VPS35L: variants seen among roughly 807,000 people sequenced by gnomAD.
The protein encoded by VPS35L is VPS35 endosomal protein sorting factor like.
A neutral mutation model predicts 133.0 loss-of-function variants in VPS35L; 83 were observed. That is an observed-to-expected ratio of 0.62 (90% CI 0.52 to 0.75). VPS35L has a LOEUF of 0.75. Among genes scored for constraint, VPS35L ranks in the 30% least tolerant of loss-of-function variants. The pLI, the probability that VPS35L is intolerant of heterozygous loss-of-function variation, is 0.00. For missense variants in VPS35L, 1,083 were observed against 1,206.8 expected, an observed-to-expected ratio of 0.90 and a Z score of 1.52; for synonymous variants, 423 against 449.9, an observed-to-expected ratio of 0.94 and a Z score of 0.76.
At chr16:19,688,366 G>A (rs750615367) in intron 28 of VPS35L, among the ~76,000 whole-genome samples, 20 of 152,232 alleles carry the variant, frequency 1.3e-4, no homozygotes, top group Admixed American at 3.9e-4. Context: ...TCTTTCAATG[G>A]GGCGAGAAAA....
At chr16:19,691,113 G>A (rs1290494036) in intron 28 of VPS35L, among the ~76,000 whole-genome samples, 2 of 152,198 alleles carry the variant, frequency 1.3e-5, no homozygotes, top group Non-Finnish European at 2.9e-5. Flanking sequence ...TCCCCGCCAC[G>A]CACACATGGG....
At chr16:19,624,626 T>C (rs562016616) in intron 14 of VPS35L, among the ~76,000 whole-genome samples, 3 of 151,936 alleles carry the variant, frequency 2.0e-5, no homozygotes, top group East Asian at 3.9e-4. Context: ...AAAATACTTA[T>C]GTAGAGATGG....
intron 1 of VPS35L, among the ~76,000 whole-genome samples, chr16:19,562,226 C>A (rs1288341498): frequency 6.6e-6 from 1 of 151,998 alleles, no homozygotes; most frequent in Non-Finnish European, 1.5e-5. Flanking sequence ...CCTAATGCAA[C>A]AAGGAATAGT....
rs1973532340 is a variant in VPS35L at position 19,633,741 on chromosome 16, TTTTTG to T, written c.1635+580_1635+584del. On this transcript the variant is annotated intron_variant, in intron 19 of 30. Transcript: ENST00000417362. The surrounding 1 kb of genome is among the most constrained non-coding windows in gnomAD (Gnocchi z 4.1). ...TAACATTTGTTTTTTTTTGTTTTTG[TTTTTG>T]TTTTGTTTTGAGACGGAGTCTTGCT... Among the ~76,000 whole-genome samples the T allele has an allele frequency of 6.6e-6, 1 of 152,120 alleles. No homozygotes were observed. Among genetic ancestry groups the T allele is most frequent in the Non-Finnish European group, 1.5e-5 (1 of 68,028 alleles).
intron 28 of VPS35L, among the ~76,000 whole-genome samples, chr16:19,684,304 C>T (rs141216155): frequency 1.8e-4 from 27 of 152,216 alleles, no homozygotes; most frequent in African/African-American, 6.3e-4. Flanking sequence ...TTTTGGATTC[C>T]AAAAATTGGT....
rs796367787 is a variant in VPS35L, at chr16:19,666,916, CT to C, written c.2222-2241del. On this transcript the variant is annotated intron_variant, in intron 26 of 30. Transcript: ENST00000417362. ...TCTTTCTTTCTTTCTTTCTTTCTTT[CT>C]TTCTTTCTTTCTTTCTTCCTTTCTT... is the stretch of plus-strand genomic sequence containing the variant. 2.7e-3 allele frequency among the ~76,000 whole-genome samples: 279 copies of C among 105,074 alleles called. 1 individual carries two copies. Among genetic ancestry groups the C allele is most frequent in the East Asian group, 0.014 (52 of 3,626 alleles). 68.9% of individuals were successfully genotyped at this position (105,074 alleles called of 152,430 possible).
intron 26 of VPS35L, among the ~76,000 whole-genome samples, chr16:19,663,424 C>T (rs1256778710): frequency 6.6e-6 from 1 of 152,112 alleles, no homozygotes; most frequent in East Asian, 1.9e-4. Context: ...CTTGCCTGAC[C>T]TTTCTATGCA....
rs1976100072 is a variant in VPS35L, at chr16:19,700,663, G to A, written c.*187G>A. On this transcript the variant is annotated 3_prime_UTR_variant, in exon 31 of 31. Coordinates refer to ENST00000417362, the MANE Select transcript of VPS35L (RefSeq NM_020314.7). ...CAATGAAGAAATGGGAGTTGTCAGA[G>A]CATTAAAATGCAATCTTCACTAAGA... 2 of 569,962 alleles carry A rather than the reference G, an allele frequency of 3.5e-6. No individual in the cohort carries two copies. The highest frequency in any genetic ancestry group is 4.7e-4 in the Middle Eastern group (1 of 2,120). The allele number at this position is 569,962 out of a possible 1,614,324, so 35.3% of individuals were successfully genotyped here.
At chr16:19,584,827 G>A (rs226852) in intron 7 of VPS35L, among the ~76,000 whole-genome samples, 9,867 of 151,940 alleles carry the variant, frequency 0.065, 736 homozygotes, top group African/African-American at 0.18. Flanking sequence ...AAGTAGCTGG[G>A]ACTATAGGCA....
intron 8 of VPS35L, among the ~76,000 whole-genome samples, chr16:19,601,291 G>T (rs893316405): frequency 2.0e-5 from 3 of 152,152 alleles, no homozygotes; most frequent in Non-Finnish European, 4.4e-5. Flanking sequence ...GTGGGCTGTT[G>T]TGTGTTGTGG....
At chr16:19,618,757 C>G (rs973428251) in intron 14 of VPS35L, among the ~76,000 whole-genome samples, 1 of 152,072 alleles carries the variant, frequency 6.6e-6, no homozygotes, top group Non-Finnish European at 1.5e-5. Context: ...TTGCAAGAAT[C>G]AAAGAAGTCA....
At chr16:19,658,816 TGAG>T (rs1299441199) in intron 26 of VPS35L, among the ~76,000 whole-genome samples, 5 of 152,066 alleles carry the variant, frequency 3.3e-5, no homozygotes, top group Admixed American at 6.6e-5. Flanking sequence ...CTGGAAGGAA[TGAG>T]GAGGAGATCA....
intron 26 of VPS35L, among the ~76,000 whole-genome samples, chr16:19,654,560 G>A (rs1215225522): frequency 2.7e-5 from 4 of 146,778 alleles, no homozygotes; most frequent in African/African-American, 5.1e-5. Flanking sequence ...AAAAAAAAAA[G>A]AAAGAAACAA....
At chr16:19,683,312 A>G (rs1975351663) in intron 28 of VPS35L, among the ~76,000 whole-genome samples, 1 of 152,238 alleles carries the variant, frequency 6.6e-6, no homozygotes, top group African/African-American at 2.4e-5. Context: ...AAAAATAATT[A>G]TAATAATTTC....
intron 1 of VPS35L, among the ~76,000 whole-genome samples, chr16:19,559,072 T>G (rs1214739268): frequency 4.6e-5 from 7 of 152,192 alleles, no homozygotes; most frequent in Admixed American, 4.6e-4. Context: ...AACCAAAAAC[T>G]TATTTGAGAA....
intron 28 of VPS35L, among the ~76,000 whole-genome samples, chr16:19,687,599 G>T (rs976119600): frequency 1.3e-5 from 2 of 152,098 alleles, no homozygotes; most frequent in East Asian, 1.9e-4. Flanking sequence ...CCCCATAAAC[G>T]AGCAGTTTAA....
At position 19,669,215 on chromosome 16, in the gene VPS35L, T is replaced by G; in HGVS notation, c.2277T>G (p.Ile759Met). Residue 759 changes from isoleucine to methionine, a missense_variant, in exon 27 of 31, where the codon ATT (isoleucine) becomes ATG (methionine). Coordinates refer to ENST00000417362, the MANE Select transcript of VPS35L (RefSeq NM_020314.7). ...TTGTTCCGGAAGTTCCAAAGATGAT[T>G]AATATTGATGGGAAGATGCGGCCAT... ...ISLVPEVPKM[I>M]NIDGKMRPSE... The G allele has an allele frequency of 6.2e-7, 1 of 1,613,208 alleles. No individual in the cohort carries two copies. The highest frequency in any genetic ancestry group is 8.5e-7 in the Non-Finnish European group (1 of 1,179,326).
chr16:19,642,591 A>G (rs1973820598), intron 22 of VPS35L, 115 bp downstream of exon 22: 2 of 859,506 alleles, frequency 2.3e-6, no homozygotes, highest in Non-Finnish European at 3.4e-6. Flanking sequence ...CTTTATTGGG[A>G]GTATTAAGAT....
chr16:19,670,314 G>T lies in VPS35L; in HGVS notation c.2361+1015G>T, dbSNP rs1033989209. ...CCACTGCACTCTCTATACTGCCAAG[G>T]CAGAGGTGTCGCCCAGTGGGGAAGG... On this transcript the variant is annotated intron_variant, in intron 27 of 30. Transcript: ENST00000417362. Among the ~76,000 whole-genome samples, 3 of 152,216 alleles carry T rather than the reference G, an allele frequency of 2.0e-5. No homozygotes were observed. The East Asian group carries it at 5.8e-4, about 29-fold the overall frequency.
Sources: gnomAD v4.1 joint callset for allele counts (sites outside exome capture counted in the v4.1 genomes callset) on GRCh38, gnomAD v4.1.1 for gene constraint, Gnocchi (gnomAD v3.1) non-coding constraint, MANE v1.5 for transcripts, NCBI Gene and HGNC (gene_info 2026-07-23, HGNC 2026-07-21) for gene names.